SHISA9: variants seen among roughly 807,000 people sequenced by gnomAD.
SHISA9 encodes the protein shisa family member 9, also known as protein shisa-9.
A neutral mutation model predicts 38.0 loss-of-function variants in SHISA9; 13 were observed. The observed-to-expected ratio is 0.34, with a 90% CI of 0.22 to 0.54. The LOEUF is 0.54. Ranked by LOEUF, SHISA9 falls within the 20% of genes least tolerant of loss-of-function variation. The probability of loss-of-function intolerance (pLI) is 0.91; values close to 1 mark genes in which losing one functional copy is unlikely to be tolerated. For synonymous variants in SHISA9, 275 were observed against 242.0 expected (o/e 1.14, Z -1.27); for missense variants, 538 against 575.8 (o/e 0.93, Z 0.67).
At chr16:13,134,336 TGCTA>T (rs1478093753) in intron 2 of SHISA9, among the ~76,000 whole-genome samples, 1 of 152,200 alleles carries the variant, frequency 6.6e-6, no homozygotes, top group Non-Finnish European at 1.5e-5. Flanking sequence ...TCTCAGTATA[TGCTA>T]GCTATTATTT....
rs181913911 is a variant in SHISA9 at position 13,033,743 on chromosome 16, A to G, written c.691+116928A>G. The stretch of plus-strand genomic sequence containing the variant: ...TGGCCACACTACCCAGTAGATGTCC[A>G]TGATAAGGAAGTTCTTCCCAACTTG... On this transcript the variant is annotated intron_variant, in intron 2 of 4. Transcript: ENST00000558583. Among the ~76,000 whole-genome samples, 736 of 152,296 alleles carry G rather than the reference A, an allele frequency of 4.8e-3. 2 individuals carry two copies. The highest frequency in any genetic ancestry group is 7.3e-3 in the Non-Finnish European group (495 of 68,030).
chr16:13,414,575 A>AT, the SHISA9 span, among the ~76,000 whole-genome samples: 1 of 152,010 alleles, frequency 6.6e-6, no homozygotes, highest in East Asian at 1.9e-4. Context: ...GGAAGCGGAC[A>AT]TGTAGGGGCT....
At chr16:13,379,671 A>C in the SHISA9 span, among the ~76,000 whole-genome samples, 1 of 152,214 alleles carries the variant, frequency 6.6e-6, no homozygotes, top group African/African-American at 2.4e-5. Flanking sequence ...TGGTAGGCAC[A>C]TGGTATTTCG....
At chr16:13,437,124 G>A in the SHISA9 span, among the ~76,000 whole-genome samples, 2 of 152,066 alleles carry the variant, frequency 1.3e-5, no homozygotes, top group South Asian at 2.1e-4. Context: ...GATGAGATTC[G>A]GGTGGGGACA....
the SHISA9 span, among the ~76,000 whole-genome samples, chr16:13,369,285 T>C: frequency 2.0e-4 from 31 of 152,214 alleles, no homozygotes; most frequent in Admixed American, 1.9e-3. Flanking sequence ...GGGAGAACAT[T>C]AGGGCTACGA....
At chr16:13,234,961 TC>T in intron 4 of SHISA9, 68 bp from the exon 5 acceptor site, 1 of 1,081,010 alleles carries the variant, frequency 9.3e-7, no homozygotes, top group Non-Finnish European at 1.2e-6. Flanking sequence ...TCTCTAACTC[TC>T]TCTCTCTCTC....
At chr16:13,146,733 G>C (rs936730422) in intron 2 of SHISA9, among the ~76,000 whole-genome samples, 3 of 152,158 alleles carry the variant, frequency 2.0e-5, no homozygotes, top group African/African-American at 7.2e-5. Flanking sequence ...AACGTTGTCA[G>C]AATCAGGTTT....
At chr16:13,177,783 C>T (rs2050744271) in intron 2 of SHISA9, among the ~76,000 whole-genome samples, 1 of 152,166 alleles carries the variant, frequency 6.6e-6, no homozygotes, top group South Asian at 2.1e-4. Context: ...GATTCTCCTG[C>T]CTCAGCCTCC....
chr16:13,440,956 C>G, the SHISA9 span, among the ~76,000 whole-genome samples: 54 of 152,030 alleles, frequency 3.6e-4, no homozygotes, highest in African/African-American at 1.2e-3. Flanking sequence ...TGATATATTC[C>G]AGATCCCGGG....
At chr16:13,412,424 C>T in the SHISA9 span, among the ~76,000 whole-genome samples, 1 of 152,108 alleles carries the variant, frequency 6.6e-6, no homozygotes, top group African/African-American at 2.4e-5. Context: ...CTCTTTCTTT[C>T]TTCTCTATTC....
At chr16:13,330,859 C>G in the SHISA9 span, among the ~76,000 whole-genome samples, 1 of 152,156 alleles carries the variant, frequency 6.6e-6, no homozygotes, top group African/African-American at 2.4e-5. Context: ...CTAGCCCATA[C>G]TCCACTCATC....
At chr16:12,950,867 A>G (rs111589726) in intron 2 of SHISA9, among the ~76,000 whole-genome samples, 20 of 151,564 alleles carry the variant, frequency 1.3e-4, no homozygotes, top group African/African-American at 4.6e-4. Flanking sequence ...CTCAGCCTCC[A>G]AAAGTGCTGG....
intron 4 of SHISA9, among the ~76,000 whole-genome samples, chr16:13,215,818 C>A (rs1352480615): frequency 6.6e-6 from 1 of 152,152 alleles, no homozygotes; most frequent in Non-Finnish European, 1.5e-5. Flanking sequence ...TAGACCCAGA[C>A]TCTAGATGAG....
At chr16:13,030,946 G>A (rs1025873247) in intron 2 of SHISA9, among the ~76,000 whole-genome samples, 1 of 152,164 alleles carries the variant, frequency 6.6e-6, no homozygotes, top group African/African-American at 2.4e-5. Context: ...GCACAGGGCT[G>A]TTACTCAGTG....
the SHISA9 span, among the ~76,000 whole-genome samples, chr16:13,450,991 G>A: frequency 1.3e-5 from 2 of 152,162 alleles, no homozygotes; most frequent in East Asian, 3.9e-4. Flanking sequence ...AGCTCCCAGT[G>A]GTATCATCCA....
At chr16:13,251,959 C>G in the SHISA9 span, among the ~76,000 whole-genome samples, 1 of 152,196 alleles carries the variant, frequency 6.6e-6, no homozygotes, top group Non-Finnish European at 1.5e-5. Context: ...GAGTTCAAAT[C>G]CCAGCCTTGT....
chr16:13,001,311 G>A (rs1210950750), intron 2 of SHISA9, among the ~76,000 whole-genome samples: 1 of 152,156 alleles, frequency 6.6e-6, no homozygotes, highest in African/African-American at 2.4e-5. Flanking sequence ...GGCAGGCAGG[G>A]TCCGGGGACC....
At chr16:13,474,189 CTCT>C in the SHISA9 span, 2 of 152,150 alleles carry the variant, frequency 1.3e-5, no homozygotes, top group Admixed American at 1.3e-4. Context: ...ACTTACATCC[CTCT>C]TCTTCTTTCC....
intron 2 of SHISA9, among the ~76,000 whole-genome samples, chr16:13,108,175 C>G (rs2073945001): frequency 6.6e-6 from 1 of 151,642 alleles, no homozygotes; most frequent in Admixed American, 6.6e-5. Flanking sequence ...GTCACCCAAG[C>G]TGGAGTGCAG....
Sources: allele counts gnomAD v4.1 joint callset (sites outside exome capture counted in the v4.1 genomes callset), GRCh38; gene constraint gnomAD v4.1.1; transcripts MANE v1.5; gene names NCBI Gene and HGNC (gene_info 2026-07-23, HGNC 2026-07-21).